VAT1L: variants seen among roughly 807,000 people sequenced by gnomAD.
VAT1L encodes vesicle amine transport 1 like.
In VAT1L, 34 loss-of-function variants were observed where a neutral mutation model predicts 44.1. That is an observed-to-expected ratio of 0.77 (90% CI 0.59 to 1.03). The LOEUF is 1.03. Ranked by LOEUF, VAT1L falls within the 50% of genes least tolerant of loss-of-function variation. The pLI is 0.00. For synonymous variants in VAT1L, 253 were observed against 202.2 expected, an observed-to-expected ratio of 1.25 and a Z score of -2.13; for missense variants, 615 against 538.8, an observed-to-expected ratio of 1.14 and a Z score of -1.40.
At chr16:77,924,542 C>T (rs2017645753) in intron 7 of VAT1L, among the ~76,000 whole-genome samples, 1 of 152,074 alleles carries the variant, frequency 6.6e-6, no homozygotes, top group Admixed American at 6.6e-5. Flanking sequence ...CTCACTGCAA[C>T]CTCCGCCTTC....
intron 7 of VAT1L, among the ~76,000 whole-genome samples, chr16:77,894,384 G>C (rs921566460): frequency 1.3e-5 from 2 of 152,228 alleles, no homozygotes; most frequent in Non-Finnish European, 2.9e-5. Context: ...GGGGGCAGAA[G>C]TCTGAATGCA....
At chr16:77,963,217 C>T (rs1293994621) in intron 7 of VAT1L, among the ~76,000 whole-genome samples, 1 of 152,136 alleles carries the variant, frequency 6.6e-6, no homozygotes, top group African/African-American at 2.4e-5. Context: ...TGGTACCTCA[C>T]ATGGAAAAAC....
chr16:77,857,605 C>CTA (rs2016871876), intron 3 of VAT1L, among the ~76,000 whole-genome samples: 1 of 150,852 alleles, frequency 6.6e-6, no homozygotes, highest in African/African-American at 2.4e-5. Flanking sequence ...ACTCACATAG[C>CTA]ATACTAATCT....
chr16:77,893,780 A>T (rs879438044), intron 7 of VAT1L, among the ~76,000 whole-genome samples: 3 of 152,178 alleles, frequency 2.0e-5, no homozygotes, highest in Admixed American at 6.5e-5. Flanking sequence ...GTCCCTGCTT[A>T]CCATTGAATT....
intron 7 of VAT1L, among the ~76,000 whole-genome samples, chr16:77,900,184 T>G (rs1050642325): frequency 2.6e-5 from 4 of 152,160 alleles, no homozygotes; most frequent in African/African-American, 4.8e-5. Context: ...AAACATAGAC[T>G]GAGTAAGGTA....
At chr16:77,823,018 C>G (rs373060508) in intron 2 of VAT1L, among the ~76,000 whole-genome samples, 1 of 152,168 alleles carries the variant, frequency 6.6e-6, no homozygotes, top group South Asian at 2.1e-4. Flanking sequence ...TGAATGGTGC[C>G]AAGATCAGTC....
intron 8 of VAT1L, 146 bp from the exon 9 acceptor site, chr16:77,977,451 A>G: frequency 5.6e-6 from 4 of 710,168 alleles, no homozygotes; most frequent in Non-Finnish European, 9.5e-6. Flanking sequence ...CCAACATATG[A>G]CAGCTAATCC....
intron 7 of VAT1L, among the ~76,000 whole-genome samples, chr16:77,943,932 CT>C (rs2017925592): frequency 1.3e-5 from 2 of 152,322 alleles, no homozygotes; most frequent in African/African-American, 4.8e-5. Flanking sequence ...GATGATGTAT[CT>C]TTAGAGCTTG....
In VAT1L at chr16:77,788,752, C is replaced by G. The variant is rs752724679; in HGVS notation, c.70C>G (p.Pro24Ala). The G allele has an allele frequency of 1.9e-6, 3 of 1,562,046 alleles. No individual in the cohort carries two copies. The highest frequency in any genetic ancestry group is 1.3e-5 in the African/African-American group (1 of 74,132). The change falls in exon 1 of 9, where the codon CCG (proline) becomes GCG (alanine). Residue 24 changes from proline to alanine, a missense_variant. Transcript: ENST00000302536. ...GATCGAGAAGGAGGCAGGCAAGGAG[C>G]CGGCGGAGGGCGGCGGCGGCGACGG... ...QMIEKEAGKE[P>A]AEGGGGDGSH...
chr16:77,844,772 C>G (rs2016742268), intron 3 of VAT1L, among the ~76,000 whole-genome samples: 1 of 152,018 alleles, frequency 6.6e-6, no homozygotes, highest in Non-Finnish European at 1.5e-5. Context: ...GCTCCTGGAA[C>G]CAATCACACA....
At chr16:77,841,060 C>T (rs1462157279) in intron 3 of VAT1L, among the ~76,000 whole-genome samples, 1 of 152,136 alleles carries the variant, frequency 6.6e-6, no homozygotes, top group Non-Finnish European at 1.5e-5. Context: ...ATCAAATGGC[C>T]TTGTATGCAC....
At chr16:77,963,907 G>A (rs2018191936) in intron 7 of VAT1L, among the ~76,000 whole-genome samples, 1 of 152,180 alleles carries the variant, frequency 6.6e-6, no homozygotes, top group Non-Finnish European at 1.5e-5. Context: ...CGCAATACGT[G>A]AAGACCTTCA....
chr16:77,898,456 A>G (rs889493595), intron 7 of VAT1L, among the ~76,000 whole-genome samples: 3 of 152,226 alleles, frequency 2.0e-5, no homozygotes, highest in Non-Finnish European at 4.4e-5. Flanking sequence ...CAAACTCCAG[A>G]TTAAGTTCAA....
At chr16:77,830,579 G>A (rs1482173121) in intron 3 of VAT1L, among the ~76,000 whole-genome samples, 3 of 152,202 alleles carry the variant, frequency 2.0e-5, no homozygotes, top group Admixed American at 2.0e-4. Context: ...ACCTGCACAA[G>A]CTCTCTTCCC....
At chr16:77,839,676 C>G (rs765382504) in intron 3 of VAT1L, among the ~76,000 whole-genome samples, 1 of 149,680 alleles carries the variant, frequency 6.7e-6, no homozygotes, top group African/African-American at 2.5e-5. Flanking sequence ...GGGTGGTACA[C>G]AACCTTGGGG....
intron 7 of VAT1L, among the ~76,000 whole-genome samples, chr16:77,929,184 GGATT>G (rs1406979726): frequency 1.3e-5 from 2 of 152,124 alleles, no homozygotes; most frequent in Non-Finnish European, 2.9e-5. Flanking sequence ...TGCATTCTCT[GGATT>G]GATGGAACGC....
chr16:77,875,970 T>C (rs998621209), intron 4 of VAT1L, among the ~76,000 whole-genome samples: 16 of 152,054 alleles, frequency 1.1e-4, no homozygotes, highest in African/African-American at 3.9e-4. Flanking sequence ...CACATAGGAG[T>C]TGCCTGAGCC....
intron 7 of VAT1L, among the ~76,000 whole-genome samples, chr16:77,945,216 G>C (rs892272899): frequency 6.7e-6 from 1 of 148,288 alleles, no homozygotes; most frequent in South Asian, 2.1e-4. Context: ...AACATGGCTT[G>C]TGGTATCTGT....
chr16:77,804,996 T>C (rs1232386507), intron 1 of VAT1L, among the ~76,000 whole-genome samples: 2 of 152,126 alleles, frequency 1.3e-5, no homozygotes, highest in African/African-American at 4.8e-5. Context: ...TATCTTAAAA[T>C]AGTGGTTAGA....
Sources: gnomAD v4.1 joint callset for allele counts (sites outside exome capture counted in the v4.1 genomes callset) on GRCh38, gnomAD v4.1.1 for gene constraint, MANE v1.5 for transcripts, NCBI Gene and HGNC (gene_info 2026-07-23, HGNC 2026-07-21) for gene names.